Variants in RBL1 observed in about 807,000 individuals in gnomAD.
RBL1 encodes RB transcriptional corepressor like 1, also known as retinoblastoma-like protein 1.
A neutral mutation model predicts 123.0 loss-of-function variants in RBL1; 82 were observed. That is an observed-to-expected ratio of 0.67 (90% CI 0.56 to 0.80). The LOEUF is 0.80. Ranked by LOEUF, RBL1 falls within the 30% of genes least tolerant of loss-of-function variation. The pLI is 0.00. For synonymous variants in RBL1, 405 were observed against 441.3 expected (o/e 0.92, Z 1.03); for missense variants, 1,171 against 1,299.6 (o/e 0.90, Z 1.52).
At chr20:37,072,767 T>C (rs1443189832) in intron 2 of RBL1, among the ~76,000 whole-genome samples, 4 of 152,178 alleles carry the variant, frequency 2.6e-5, no homozygotes, top group African/African-American at 7.2e-5. Flanking sequence ...AGTGGCAATG[T>C]CCAGGGACAG....
chr20:37,046,724 TC>T (rs763402549), intron 12 of RBL1, among the ~76,000 whole-genome samples: 7 of 151,870 alleles, frequency 4.6e-5, no homozygotes, highest in Admixed American at 3.3e-4. Flanking sequence ...TTCTCCTGCC[TC>T]AGCCTCTCAA....
At chr20:37,075,108 G>C (rs1340326887) in intron 2 of RBL1, among the ~76,000 whole-genome samples, 1 of 152,142 alleles carries the variant, frequency 6.6e-6, no homozygotes, top group Non-Finnish European at 1.5e-5. Context: ...AGCCAACACA[G>C]AAGACCACAT....
intron 2 of RBL1, among the ~76,000 whole-genome samples, chr20:37,074,531 G>T (rs1263366803): frequency 1.3e-5 from 2 of 152,026 alleles, no homozygotes; most frequent in Non-Finnish European, 2.9e-5. Context: ...ATCAAAACTG[G>T]GATGGCTACA....
intron 21 of RBL1, among the ~76,000 whole-genome samples, chr20:37,000,622 C>T (rs1372481323): frequency 3.4e-4 from 49 of 142,664 alleles, no homozygotes; most frequent in African/African-American, 1.3e-3. Flanking sequence ...CCCGGCCAGC[C>T]GCCACATCCG....
chr20:37,040,811 A>C (rs1266841788), intron 13 of RBL1, among the ~76,000 whole-genome samples: 1 of 152,220 alleles, frequency 6.6e-6, no homozygotes, highest in Non-Finnish European at 1.5e-5. Context: ...GTTACCAACC[A>C]CAAGAACTAA....
At chr20:37,065,061 A>G (rs1207662311) in intron 7 of RBL1, among the ~76,000 whole-genome samples, 2 of 151,784 alleles carry the variant, frequency 1.3e-5, no homozygotes, top group South Asian at 4.2e-4. Context: ...CCTCCCAAGT[A>G]GCTGGGACCA....
intron 19 of RBL1, among the ~76,000 whole-genome samples, chr20:37,010,027 A>G (rs186847975): frequency 0.013 from 1,865 of 145,880 alleles, 43 homozygotes; most frequent in African/African-American, 0.043. Flanking sequence ...CTCATCTCTA[A>G]AATTAAAAAA....
intron 19 of RBL1, 61 bp from the exon 20 acceptor site, chr20:37,007,620 T>A: frequency 1.3e-6 from 2 of 1,538,832 alleles, no homozygotes; most frequent in Non-Finnish European, 8.8e-7. Context: ...TGAGACAGGG[T>A]CTCACTTTGT....
rs777747973 is a variant in RBL1 at position 37,010,803 on chromosome 20, CATAT to C, written c.2723-3248_2723-3245del. On this transcript the variant is annotated intron_variant, in intron 19 of 21. Transcript: ENST00000373664. ...GTGTGTGTGTGTCCACACATACATA[CATAT>C]ACATATAATTATCTTTTTTATTTTT... Among the ~76,000 whole-genome samples, 28 of 151,776 alleles carry C rather than the reference CATAT, an allele frequency of 1.8e-4. 1 individual carries two copies. Among genetic ancestry groups the C allele is most frequent in the South Asian group, 1.5e-3 (7 of 4,816 alleles).
At chr20:37,069,539 G>A (rs2065246801) in intron 2 of RBL1, among the ~76,000 whole-genome samples, 1 of 151,778 alleles carries the variant, frequency 6.6e-6, no homozygotes, top group African/African-American at 2.4e-5. Context: ...GACCCCGTCT[G>A]GGAGGTGAGG....
intron 2 of RBL1, among the ~76,000 whole-genome samples, chr20:37,072,274 G>C (rs1381788641): frequency 2.0e-5 from 3 of 152,166 alleles, no homozygotes; most frequent in Non-Finnish European, 4.4e-5. Flanking sequence ...CTCGAGACCA[G>C]CCTGACCAAC....
At chr20:37,043,593 G>A (rs377662089) in intron 13 of RBL1, among the ~76,000 whole-genome samples, 5 of 152,058 alleles carry the variant, frequency 3.3e-5, no homozygotes, top group Non-Finnish European at 5.9e-5. Context: ...AGTTTGGGCC[G>A]AGGAAGTTGA....
chr20:37,023,777 A>ATTTTTTT (rs11371156), intron 16 of RBL1, among the ~76,000 whole-genome samples: 2 of 125,510 alleles, frequency 1.6e-5, no homozygotes, highest in Non-Finnish European at 3.2e-5. Context: ...TATTCAAACT[A>ATTTTTTT]TTTTTTTTTT....
At chr20:37,051,865 C>T (rs2064919689) in intron 11 of RBL1, among the ~76,000 whole-genome samples, 2 of 151,314 alleles carry the variant, frequency 1.3e-5, no homozygotes, top group South Asian at 4.1e-4. Flanking sequence ...CCCAACTACA[C>T]ACTGACTATA....
intron 11 of RBL1, among the ~76,000 whole-genome samples, chr20:37,047,995 C>G (rs956223097): frequency 4.0e-5 from 6 of 151,888 alleles, no homozygotes; most frequent in Non-Finnish European, 5.9e-5. Context: ...AAACAAAAAA[C>G]TAAAACAAAC....
At chr20:37,020,340 C>T (rs2064321818) in intron 18 of RBL1, among the ~76,000 whole-genome samples, 3 of 152,078 alleles carry the variant, frequency 2.0e-5, no homozygotes, top group African/African-American at 7.2e-5. Flanking sequence ...CCACCTGCCT[C>T]CACCTCCCAA....
rs750148088 is a variant in RBL1, at chr20:36,998,872, C to G, written c.3094G>C (p.Val1032Leu). Residue 1032 changes from valine to leucine, a missense_variant, in exon 22 of 22, where the codon GTA (valine) becomes CTA (leucine). By Grantham distance (32) the Val-to-Leu change is conservative. Coordinates refer to ENST00000373664, the MANE Select transcript of RBL1 (RefSeq NM_002895.5). ...RQGEQRTKKR[V>L]IAIDSDAESP... ...TCTGCATCACTATCGATGGCTATTA[C>G]TCGCTTCTTGGTTCTCTGCTCACCT... is the stretch of plus-strand genomic sequence containing the variant. 1.2e-6 allele frequency: 2 copies of G among 1,613,604 alleles called. No homozygotes were observed. Among genetic ancestry groups the G allele is most frequent in the Non-Finnish European group, 1.7e-6 (2 of 1,179,616 alleles).
At chr20:37,000,036 T>G (rs1318516389) in intron 21 of RBL1, among the ~76,000 whole-genome samples, 1 of 150,438 alleles carries the variant, frequency 6.6e-6, no homozygotes, top group African/African-American at 2.5e-5. Context: ...CCATCCCATC[T>G]AGGAAGTGAG....
rs759915164 is a variant in RBL1, at chr20:37,007,603, A to AT, written c.2723-45dup. 265 of 1,592,576 alleles carry AT rather than the reference A, an allele frequency of 1.7e-4. 2 individuals carry two copies. In the Admixed American group the frequency reaches 4.3e-3, roughly 26 times the overall value. On this transcript the variant is annotated intron_variant, in intron 19 of 21. Transcript: ENST00000373664. ...TGTTGTGATACAAAGCATACTTTTT[A>AT]TTTTTTTGAGACAGGGTCTCACTTT...
Sources: gnomAD v4.1 joint callset for allele counts (sites outside exome capture counted in the v4.1 genomes callset) on GRCh38, gnomAD v4.1.1 for gene constraint, MANE v1.5 for transcripts, NCBI Gene and HGNC (gene_info 2026-07-23, HGNC 2026-07-21) for gene names.